The following SMCO1 variants were observed in gnomAD, a reference collection of about 807,000 sequenced individuals.
SMCO1 encodes the protein single-pass membrane and coiled-coil domain-containing protein 1.
Under a neutral mutation model 7.5 loss-of-function variants are expected in SMCO1, and 9 were observed. The observed-to-expected ratio is 1.20, with a 90% CI of 0.72 to 2.09. SMCO1 has a LOEUF of 2.09. SMCO1 is among the 30% of genes most tolerant of loss of function. SMCO1 has a pLI of 0.00. For missense variants in SMCO1, 219 were observed against 253.1 expected, an observed-to-expected ratio of 0.87 and a Z score of 0.91; for synonymous variants, 90 against 93.8, an observed-to-expected ratio of 0.96 and a Z score of 0.23.
At chr3:196,519,294 G>T (rs561588724), upstream of SMCO1, among the ~76,000 whole-genome samples, 3 of 152,192 alleles carry the variant, frequency 2.0e-5, no homozygotes, top group Non-Finnish European at 2.9e-5. Flanking sequence ...GAGGTCACTC[G>T]CTACTAGTCC....
upstream of SMCO1, among the ~76,000 whole-genome samples, chr3:196,518,521 G>T (rs1733433546): frequency 6.6e-6 from 1 of 152,090 alleles, no homozygotes; most frequent in South Asian, 2.1e-4. Context: ...CGCCATGTTG[G>T]CCAGGCTGGT....
chr3:196,513,702 T>G lies in SMCO1; in HGVS notation c.50+1458A>C, dbSNP rs1733310896. Among the ~76,000 whole-genome samples, 4 of 151,924 alleles carry G rather than the reference T, an allele frequency of 2.6e-5. No homozygotes were observed. In the South Asian group the frequency reaches 6.2e-4, roughly 24 times the overall value. On this transcript the variant is annotated intron_variant, in intron 1 of 2. Transcript: ENST00000397537. ...TTTTAGACCTTTAAGACTATATTGC[T>G]TATAGGTCATCTGTAGTTTGAAACT...
upstream of SMCO1, among the ~76,000 whole-genome samples, chr3:196,519,292 TC>T (rs762890058): frequency 2.0e-5 from 3 of 152,244 alleles, no homozygotes; most frequent in Non-Finnish European, 4.4e-5. Context: ...GTGAGGTCAC[TC>T]GCTACTAGTC....
chr3:196,520,633 G>A, the SMCO1 span, among the ~76,000 whole-genome samples: 5 of 152,100 alleles, frequency 3.3e-5, no homozygotes, highest in Admixed American at 6.6e-5. Context: ...ATTTTCTGAC[G>A]ACCCCGATAG....
chr3:196,516,724 G>A (rs1438809653), upstream of SMCO1, among the ~76,000 whole-genome samples: 1 of 152,176 alleles, frequency 6.6e-6, no homozygotes, highest in African/African-American at 2.4e-5. Flanking sequence ...CAGGGAGACA[G>A]CACATAAGGC....
chr3:196,509,144 G>T (rs1330330553), intron 2 of SMCO1, among the ~76,000 whole-genome samples: 4 of 149,638 alleles, frequency 2.7e-5, no homozygotes, highest in African/African-American at 4.9e-5. Context: ...CCGCCTCCCG[G>T]GTTCACGCCA....
chr3:196,512,575 G>T (rs1733277200), intron 1 of SMCO1, among the ~76,000 whole-genome samples: 1 of 137,968 alleles, frequency 7.2e-6, no homozygotes, highest in Admixed American at 7.7e-5. Flanking sequence ...ACAGTGGCAC[G>T]ATCCTGGCTC....
Position 196,515,262 on chromosome 3 carries a change from A to G in SMCO1, c.-53T>C. 2 of 1,441,298 alleles carry G rather than the reference A, an allele frequency of 1.4e-6. No homozygotes were observed. The highest frequency in any genetic ancestry group is 2.0e-6 in the Non-Finnish European group (2 of 1,024,142). The allele number at this position is 1,441,298 out of a possible 1,614,324, so 89.3% of individuals were successfully genotyped here. On this transcript the variant is annotated 5_prime_UTR_variant, in exon 1 of 3. Transcript: ENST00000397537. ...AAAACAAAGCAAAACAAAAAAAGCA[A>G]TAAATGTTTGAATCCAGAATTTTCT...
intron 2 of SMCO1, among the ~76,000 whole-genome samples, chr3:196,508,898 C>T (rs1301743714): frequency 7.3e-6 from 1 of 136,908 alleles, no homozygotes; most frequent in African/African-American, 2.7e-5. Flanking sequence ...GATTGCCCCA[C>T]TGCACTCCAG....
rs1198560813 is a variant in SMCO1, at chr3:196,506,973, ATGGGTTTTTG to A, written c.*904_*913del. The stretch of plus-strand genomic sequence containing the variant: ...GGTTGCTGGCCACGAGCCTGAGTCT[ATGGGTTTTTG>A]TGGGCTAGAAATGGGCAAGTGCATG... On this transcript the variant is annotated 3_prime_UTR_variant, in exon 3 of 3. Transcript: ENST00000397537. The A allele has an allele frequency of 6.6e-6, 1 of 152,188 alleles. No individual in the cohort carries two copies. Among genetic ancestry groups the A allele is most frequent in the Non-Finnish European group, 1.5e-5 (1 of 68,052 alleles). The allele number at this position is 152,188 out of a possible 1,614,324, so 9.4% of individuals were successfully genotyped here. A position where few individuals can be genotyped will look rare whatever the true frequency, so the allele number is the denominator to read the frequency against.
chr3:196,514,385 T>C (rs1440795328), intron 1 of SMCO1, among the ~76,000 whole-genome samples: 1 of 152,172 alleles, frequency 6.6e-6, no homozygotes, highest in East Asian at 1.9e-4. Context: ...TCCCATATTT[T>C]TCTCCCTCAT....
intron 2 of SMCO1, among the ~76,000 whole-genome samples, chr3:196,509,216 ATTTTTTTT>A (rs35933912): frequency 6.5e-5 from 7 of 108,022 alleles, no homozygotes; most frequent in South Asian, 3.3e-4. Flanking sequence ...CACCCGGCTA[ATTTTTTTT>A]TTTTTTTTTT....
At chr3:196,518,596 C>T (rs1733434625), upstream of SMCO1, among the ~76,000 whole-genome samples, 1 of 152,102 alleles carries the variant, frequency 6.6e-6, no homozygotes, top group Non-Finnish European at 1.5e-5. Context: ...GACAAAGGAC[C>T]CTGGCACAAG....
chr3:196,508,131 CCTT>C lies in SMCO1; in HGVS notation c.398_400del (p.Glu133del), dbSNP rs745399716. On this transcript the variant is annotated inframe_deletion, in exon 3 of 3. Transcript: ENST00000397537. ...GAAGGTACAAAGTGCTGTGATGTCT[CCTT>C]CTTGCAGCCCACACTCCTCCAGTAT... The C allele has an allele frequency of 5.3e-5, 86 of 1,614,150 alleles. No individual in the cohort carries two copies. Among genetic ancestry groups the C allele is most frequent in the Non-Finnish European group, 4.9e-5 (58 of 1,180,000 alleles).
At chr3:196,510,738 C>T (rs533148769) in intron 1 of SMCO1, among the ~76,000 whole-genome samples, 8 of 152,246 alleles carry the variant, frequency 5.3e-5, no homozygotes, top group South Asian at 2.1e-4. Context: ...ACCCATCTCC[C>T]GCCTCCTGCT....
chr3:196,516,500 G>A (rs1733391657), upstream of SMCO1, among the ~76,000 whole-genome samples: 1 of 152,084 alleles, frequency 6.6e-6, no homozygotes, highest in Non-Finnish European at 1.5e-5. Flanking sequence ...ATTCATATAA[G>A]AAAAAGAAAA....
At chr3:196,515,395 A>G (rs1733360807), upstream of SMCO1, 1 of 579,364 alleles carries the variant, frequency 1.7e-6, no homozygotes, top group Admixed American at 3.0e-5. Flanking sequence ...AGATCCAAAT[A>G]TAGTTTCAAA....
At chr3:196,513,212 C>T (rs1733295389) in intron 1 of SMCO1, among the ~76,000 whole-genome samples, 1 of 151,936 alleles carries the variant, frequency 6.6e-6, no homozygotes, top group South Asian at 2.1e-4. Context: ...CACTTGTGGT[C>T]CCAGCTACTG....
chr3:196,515,828 G>A (rs369413146), upstream of SMCO1, among the ~76,000 whole-genome samples: 1 of 150,554 alleles, frequency 6.6e-6, no homozygotes, highest in South Asian at 2.1e-4. Flanking sequence ...GAGCGAGACT[G>A]TCTCCACAAA....
Sources: allele counts gnomAD v4.1 joint callset (sites outside exome capture counted in the v4.1 genomes callset), GRCh38; gene constraint gnomAD v4.1.1; transcripts MANE v1.5; gene names NCBI Gene and HGNC (gene_info 2026-07-23, HGNC 2026-07-21).